PAWR: variants seen among roughly 807,000 people sequenced by gnomAD.
The protein encoded by PAWR is PRKC apoptosis WT1 regulator protein.
A neutral mutation model predicts 32.0 loss-of-function variants in PAWR; 23 were observed. The observed-to-expected ratio is 0.72, with a 90% CI of 0.52 to 1.02. The LOEUF is 1.02. PAWR is among the 50% of genes least tolerant of loss of function. The pLI is 0.00. For missense variants in PAWR, 457 were observed against 437.7 expected (o/e 1.04, Z -0.39); for synonymous variants, 226 against 187.1 (o/e 1.21, Z -1.70).
intron 2 of PAWR, among the ~76,000 whole-genome samples, chr12:79,631,449 G>A (rs1433147717): frequency 6.6e-6 from 1 of 152,028 alleles, no homozygotes; most frequent in African/African-American, 2.4e-5. Context: ...CAAACTACCA[G>A]AACTGACAAA....
chr12:79,627,872 C>G (rs1384086606), intron 2 of PAWR, among the ~76,000 whole-genome samples: 2 of 152,130 alleles, frequency 1.3e-5, no homozygotes, highest in Non-Finnish European at 2.9e-5. Context: ...GACTTTAACA[C>G]CCCACTGTCA....
intron 2 of PAWR, among the ~76,000 whole-genome samples, chr12:79,680,826 A>G (rs953174111): frequency 6.6e-6 from 1 of 152,200 alleles, no homozygotes. Flanking sequence ...ATATGAAAAG[A>G]AAAAAATAGA....
intron 2 of PAWR, among the ~76,000 whole-genome samples, chr12:79,659,584 A>C (rs905496178): frequency 3.3e-5 from 5 of 152,204 alleles, no homozygotes; most frequent in Non-Finnish European, 7.3e-5. Context: ...AAGTGTTAAT[A>C]AAATTTTTCC....
rs1873493932 is a variant in PAWR at position 79,589,788 on chromosome 12, T to C, written c.*2819A>G. ...TTTTGAAAATGAGCTCATAAATACA[T>C]TAGAACTTTGAATGTGCTTTATTAT... On this transcript the variant is annotated 3_prime_UTR_variant, in exon 7 of 7. Transcript: ENST00000328827. 6.6e-6 allele frequency: 1 copy of C among 152,164 alleles called. No homozygotes were observed. The highest frequency in any genetic ancestry group is 1.5e-5 in the Non-Finnish European group (1 of 68,014). The allele number at this position is 152,164 out of a possible 1,614,324, so 9.4% of individuals were successfully genotyped here. A position where few individuals can be genotyped will look rare whatever the true frequency, so the allele number is the denominator to read the frequency against.
At chr12:79,636,219 A>C (rs773170090) in intron 2 of PAWR, among the ~76,000 whole-genome samples, 2 of 152,158 alleles carry the variant, frequency 1.3e-5, no homozygotes, top group African/African-American at 2.4e-5. Context: ...AATAACAAAA[A>C]GATTCATCTC....
chr12:79,646,024 C>T (rs1234036783), intron 2 of PAWR, among the ~76,000 whole-genome samples: 1 of 152,180 alleles, frequency 6.6e-6, no homozygotes, highest in African/African-American at 2.4e-5. Context: ...AACACAGGTA[C>T]AGTCTCCCTT....
Position 79,589,301 on chromosome 12 carries a change from T to C in PAWR, c.*3306A>G, listed in dbSNP as rs1314013508. 4 of 152,204 alleles carry C rather than the reference T, an allele frequency of 2.6e-5. No individual in the cohort carries two copies. In the East Asian group the frequency reaches 5.8e-4, roughly 22 times the overall value. 9.4% of individuals were successfully genotyped at this position (152,204 alleles called of 1,614,324 possible). A position where few individuals can be genotyped will look rare whatever the true frequency, so the allele number is the denominator to read the frequency against. ...TGTTGAATATATGAATGCTTCTCTATTACACTGACTTGTACTATTTTCAAG... is the reference window on the plus strand; with the variant it reads ...TGTTGAATATATGAATGCTTCTCTACTACACTGACTTGTACTATTTTCAAG... On this transcript the variant is annotated 3_prime_UTR_variant, in exon 7 of 7. Transcript: ENST00000328827.
chr12:79,673,868 T>C (rs1161218780), intron 2 of PAWR, among the ~76,000 whole-genome samples: 1 of 151,912 alleles, frequency 6.6e-6, no homozygotes, highest in Non-Finnish European at 1.5e-5. Flanking sequence ...ATTTCTACAA[T>C]GAGAATTACA....
At chr12:79,640,517 G>A (rs1333753730) in intron 2 of PAWR, among the ~76,000 whole-genome samples, 1 of 152,178 alleles carries the variant, frequency 6.6e-6, no homozygotes, top group African/African-American at 2.4e-5. Flanking sequence ...AAGGCAGGCA[G>A]ATCCCTTGAG....
At chr12:79,678,197 AT>A (rs1878263209) in intron 2 of PAWR, among the ~76,000 whole-genome samples, 1 of 152,190 alleles carries the variant, frequency 6.6e-6, no homozygotes, top group Non-Finnish European at 1.5e-5. Flanking sequence ...CCTTTTAATG[AT>A]TTCAAATTAG....
intron 2 of PAWR, among the ~76,000 whole-genome samples, chr12:79,629,647 T>TC (rs1464023543): frequency 2.6e-5 from 4 of 151,876 alleles, no homozygotes; most frequent in Non-Finnish European, 5.9e-5. Flanking sequence ...TATAGAACAC[T>TC]CCCCCCACAA....
intron 2 of PAWR, among the ~76,000 whole-genome samples, chr12:79,675,148 G>C (rs374575201): frequency 6.6e-6 from 1 of 152,174 alleles, no homozygotes; most frequent in African/African-American, 2.4e-5. Context: ...AGGCCAAGGC[G>C]GGTGGATCGC....
At chr12:79,658,945 G>A (rs1877218566) in intron 2 of PAWR, among the ~76,000 whole-genome samples, 1 of 150,240 alleles carries the variant, frequency 6.7e-6, no homozygotes, top group South Asian at 2.1e-4. Context: ...ACAGTCATGA[G>A]CCACTGCTCC....
chr12:79,656,293 A>G (rs558797516), intron 2 of PAWR, among the ~76,000 whole-genome samples: 40 of 152,364 alleles, frequency 2.6e-4, no homozygotes, highest in African/African-American at 9.6e-4. Context: ...AGGCAGATAA[A>G]TTAATTAGGA....
chr12:79,680,153 A>G (rs1878372023), intron 2 of PAWR, among the ~76,000 whole-genome samples: 1 of 152,242 alleles, frequency 6.6e-6, no homozygotes, highest in Admixed American at 6.5e-5. Context: ...GAACAAGTTG[A>G]GAATAACACT....
intron 2 of PAWR, among the ~76,000 whole-genome samples, chr12:79,676,029 A>G (rs1043189967): frequency 6.9e-6 from 1 of 145,962 alleles, no homozygotes. Flanking sequence ...GAAACAGAGG[A>G]AAAAAAAAAA....
At chr12:79,652,526 G>A (rs899865955) in intron 2 of PAWR, among the ~76,000 whole-genome samples, 40 of 152,272 alleles carry the variant, frequency 2.6e-4, no homozygotes, top group African/African-American at 9.4e-4. Context: ...TGAAGGGAAT[G>A]TGTCTTTTTC....
chr12:79,672,723 CAA>C (rs774547367), intron 2 of PAWR, among the ~76,000 whole-genome samples: 40 of 125,000 alleles, frequency 3.2e-4, no homozygotes, highest in South Asian at 1.1e-3. Flanking sequence ...AATGTATCAC[CAA>C]AAAAAAAAAA....
intron 2 of PAWR, among the ~76,000 whole-genome samples, chr12:79,684,803 T>C (rs901839190): frequency 3.9e-5 from 6 of 152,204 alleles, no homozygotes; most frequent in Admixed American, 2.0e-4. Flanking sequence ...CATAGTCATA[T>C]ACTAACAATT....
Sources: gnomAD v4.1 joint callset for allele counts (sites outside exome capture counted in the v4.1 genomes callset) on GRCh38, gnomAD v4.1.1 for gene constraint, MANE v1.5 for transcripts, NCBI Gene and HGNC (gene_info 2026-07-23, HGNC 2026-07-21) for gene names.